Variants in ZNF479 observed in about 807,000 individuals in gnomAD.
ZNF479 encodes the protein KRAB zinc finger protein KR19.
A neutral mutation model predicts 14.7 loss-of-function variants in ZNF479; 15 were observed. That is an observed-to-expected ratio of 1.02 (90% CI 0.68 to 1.57). The LOEUF (loss-of-function observed/expected upper bound fraction) is 1.57. ZNF479 is among the 40% of genes most tolerant of loss of function. The pLI is 0.00. For missense variants in ZNF479, 506 were observed against 615.1 expected (o/e 0.82, Z 1.88); for synonymous variants, 145 against 211.5 (o/e 0.69, Z 2.73).
Position 57,120,287 on chromosome 7 carries a change from A to G in ZNF479, c.1128T>C (p.Thr376=), listed in dbSNP as rs1554399979. ...SNLMRHRRIH[T]GEKPYTCEEC... ...CTTCACATGTGTAGGGTTTCTCTCC[A>G]GTATGAATTCTCCTATGTCTCATAA... The change falls in exon 4 of 4, where the codon ACT becomes ACC. Residue 376 remains threonine (T), a synonymous_variant. Coordinates refer to ENST00000319636, the MANE Select transcript of ZNF479 (RefSeq NM_001370129.2). 1 of 1,609,386 alleles carries G rather than the reference A, an allele frequency of 6.2e-7. No homozygotes were observed. The highest frequency in any genetic ancestry group is 1.7e-5 in the Admixed American group (1 of 59,744).
intron 1 of ZNF479, among the ~76,000 whole-genome samples, chr7:57,137,568 A>G (rs756628245): frequency 6.6e-5 from 10 of 152,230 alleles, no homozygotes; most frequent in Non-Finnish European, 1.5e-4. Flanking sequence ...GTGCAACTCA[A>G]AGGAAGTATT....
In ZNF479 at chr7:57,118,394, CAG is replaced by C. The variant is rs1339828458; in HGVS notation, c.*1444_*1445del. On this transcript the variant is annotated 3_prime_UTR_variant, in exon 4 of 4. Transcript: ENST00000319636. Reference sequence around the variant, plus strand: ...CACATTTATAATTTTTTTTTTGAGACAGAGTCTTGCTCTGTCACCCAGGCTGT... The same window carrying C: ...CACATTTATAATTTTTTTTTTGAGACAGTCTTGCTCTGTCACCCAGGCTGT... Among the ~76,000 whole-genome samples, 1 of 151,970 alleles carries C rather than the reference CAG, an allele frequency of 6.6e-6. No homozygotes were observed. Among genetic ancestry groups the C allele is most frequent in the Non-Finnish European group, 1.5e-5 (1 of 67,998 alleles).
At position 57,117,735 on chromosome 7, in the gene ZNF479, A is replaced by T. The variant is rs1194169572; in HGVS notation, c.*2105T>A. On this transcript the variant is annotated 3_prime_UTR_variant, in exon 4 of 4. Coordinates refer to ENST00000319636, the MANE Select transcript of ZNF479 (RefSeq NM_001370129.2). ...CATAAACGTACAATTGATAAAAAACAATCTCTCCTATCTCTGATGAAACAA... is the reference window on the plus strand; with the variant it reads ...CATAAACGTACAATTGATAAAAAACTATCTCTCCTATCTCTGATGAAACAA... 1.3e-5 allele frequency among the ~76,000 whole-genome samples: 2 copies of T among 152,290 alleles called. No homozygotes were observed. Among genetic ancestry groups the T allele is most frequent in the African/African-American group, 4.8e-5 (2 of 41,480 alleles).
At chr7:57,134,608 C>T (rs542012792), upstream of ZNF479, among the ~76,000 whole-genome samples, 16 of 151,698 alleles carry the variant, frequency 1.1e-4, no homozygotes, top group South Asian at 2.9e-3. Context: ...CCTCTACTTT[C>T]CTAATAAATT....
intron 3 of ZNF479, among the ~76,000 whole-genome samples, chr7:57,124,589 G>T (rs1786078040): frequency 6.6e-6 from 1 of 152,212 alleles, no homozygotes; most frequent in Non-Finnish European, 1.5e-5. Context: ...GTGCAACAAA[G>T]AGGAGAACAG....
Position 57,120,986 on chromosome 7 carries a change from A to C in ZNF479, c.429T>G (p.Ser143Arg), listed in dbSNP as rs1785915895. The change falls in exon 4 of 4, where the codon AGT becomes AGG. Residue 143 changes from serine to arginine, a missense_variant. By Grantham distance (110) the Ser-to-Arg change is moderately radical. Coordinates refer to ENST00000319636, the MANE Select transcript of ZNF479 (RefSeq NM_001370129.2). ...GEYEVHKGGY[S>R]EVNQCLSTTQ... ...TAGTTGACAAACATTGGTTAACTTC[A>C]CTATAACCTCCCTTGTGCACCTCAT... The C allele has an allele frequency of 3.7e-6, 6 of 1,614,128 alleles. No individual in the cohort carries two copies. Among genetic ancestry groups the C allele is most frequent in the Non-Finnish European group, 5.1e-6 (6 of 1,180,024 alleles).
chr7:57,121,081 G>A lies in ZNF479; in HGVS notation c.334C>T (p.Pro112Ser). 4 of 1,613,660 alleles carry A rather than the reference G, an allele frequency of 2.5e-6. No individual in the cohort carries two copies. Among genetic ancestry groups the A allele is most frequent in the South Asian group, 2.2e-5 (2 of 91,066 alleles). Residue 112 changes from proline (P) to serine (S), a missense_variant, in exon 4 of 4, where the codon CCA becomes TCA. By Grantham distance (74) the Pro-to-Ser change is moderately conservative. Coordinates refer to ENST00000319636, the MANE Select transcript of ZNF479 (RefSeq NM_001370129.2). ...TGTCCACATTTTCCATATGTTCTTGGTATTACTTTTTGGAGTGAATCTTTG... is the reference window on the plus strand; with the variant it reads ...TGTCCACATTTTCCATATGTTCTTGATATTACTTTTTGGAGTGAATCTTTG... ...GIKDSLQKVI[P>S]RTYGKCGHEK...
rs544289736 is a variant in ZNF479 at position 57,121,627 on chromosome 7, A to C, written c.263-475T>G. On this transcript the variant is annotated intron_variant, in intron 3 of 3. Coordinates refer to ENST00000319636, the MANE Select transcript of ZNF479 (RefSeq NM_001370129.2). Reference sequence around the variant, plus strand: ...ATTGAAAAATAAATACAAATTGCAGACAAAACACATCCTGAGAACATGTTT... The same window carrying C: ...ATTGAAAAATAAATACAAATTGCAGCCAAAACACATCCTGAGAACATGTTT... 5.7e-3 allele frequency among the ~76,000 whole-genome samples: 872 copies of C among 152,310 alleles called. 9 individuals are homozygous for C. Among genetic ancestry groups the C allele is most frequent in the African/African-American group, 0.02 (827 of 41,576 alleles).
Position 57,120,362 on chromosome 7 carries a change from T to C in ZNF479, c.1053A>G (p.Lys351=), listed in dbSNP as rs200109876. 1.9e-5 allele frequency: 31 copies of C among 1,613,316 alleles called. No individual in the cohort carries two copies. The highest frequency in any genetic ancestry group is 1.6e-4 in the African/African-American group (12 of 74,818). Residue 351 remains lysine (K), a synonymous_variant, in exon 4 of 4, where the codon AAA becomes AAG. Coordinates refer to ENST00000319636, the MANE Select transcript of ZNF479 (RefSeq NM_001370129.2). The part of the protein sequence containing the change: ...TRHKRIHTRE[K]PYACEECGQA... ...GGCCACATTCTTCACAGGCATAGGG[T>C]TTCTCTCTAGTATGAATTCTCTTAT...
At chr7:57,123,529 G>A (rs1354322479) in intron 3 of ZNF479, among the ~76,000 whole-genome samples, 1 of 152,140 alleles carries the variant, frequency 6.6e-6, no homozygotes, top group African/African-American at 2.4e-5. Context: ...GAACACATAA[G>A]TCTTGGTAAA....
chr7:57,129,501 A>G (rs77588439), intron 1 of ZNF479, among the ~76,000 whole-genome samples: 4,207 of 151,992 alleles, frequency 0.028, 120 homozygotes, highest in East Asian at 0.17. Context: ...AAAAACAACC[A>G]ATTTCCACCC....
intron 1 of ZNF479, among the ~76,000 whole-genome samples, chr7:57,129,436 C>A (rs1786323267): frequency 6.6e-6 from 1 of 152,212 alleles, no homozygotes; most frequent in Admixed American, 6.5e-5. Flanking sequence ...GCAGGCACAG[C>A]AGAGTCCCTT....
intron 3 of ZNF479, among the ~76,000 whole-genome samples, chr7:57,125,065 T>G (rs1322423658): frequency 6.6e-6 from 1 of 151,354 alleles, no homozygotes; most frequent in Non-Finnish European, 1.5e-5. Flanking sequence ...AGAGTGAAAC[T>G]CCGTCTCAAA....
intron 1 of ZNF479, among the ~76,000 whole-genome samples, chr7:57,127,941 T>A (rs61531528): frequency 0.34 from 33,714 of 98,936 alleles, 4,086 homozygotes; most frequent in East Asian, 0.43. Flanking sequence ...ATATATATTT[T>A]TTTTTTTTTT....
chr7:57,120,560 A>C lies in ZNF479; in HGVS notation c.855T>G (p.Thr285=). ...GQAFRRSSAL[T]NHKRIHTGER... ...CTCCAGTATGAATTCTCTTGTGGTTAGTAAGTGCTGAGGAGCGCCTAAAGG... is the reference window on the plus strand; with the variant it reads ...CTCCAGTATGAATTCTCTTGTGGTTCGTAAGTGCTGAGGAGCGCCTAAAGG... The change falls in exon 4 of 4, where the codon ACT becomes ACG. Residue 285 remains threonine, a synonymous_variant. Transcript: ENST00000319636. 6.2e-7 allele frequency: 1 copy of C among 1,613,560 alleles called. No homozygotes were observed. Among genetic ancestry groups the C allele is most frequent in the South Asian group, 1.1e-5 (1 of 91,058 alleles).
chr7:57,130,544 C>T (rs1786370169), intron 1 of ZNF479, among the ~76,000 whole-genome samples: 1 of 150,684 alleles, frequency 6.6e-6, no homozygotes, highest in Non-Finnish European at 1.5e-5. Flanking sequence ...AAACACTAGA[C>T]TAATGGGAAA....
upstream of ZNF479, among the ~76,000 whole-genome samples, chr7:57,135,120 C>T (rs185152030): frequency 2.0e-4 from 31 of 152,238 alleles, no homozygotes; most frequent in East Asian, 5.8e-3. Context: ...GACTGAATTA[C>T]CAATTGGCTA....
Position 57,121,570 on chromosome 7 carries a change from AC to A in ZNF479, c.263-419del, listed in dbSNP as rs543600063. Among the ~76,000 whole-genome samples the A allele has an allele frequency of 1.4e-4, 21 of 152,306 alleles. No homozygotes were observed. The East Asian group carries it at 4.1e-3, about 29-fold the overall frequency. On this transcript the variant is annotated intron_variant, in intron 3 of 3. Coordinates refer to ENST00000319636, the MANE Select transcript of ZNF479 (RefSeq NM_001370129.2). Reference sequence around the variant, plus strand: ...AGATAGGTGTAGAACGTAGTTACTGACCACTAAGAAGAAATATGAAGAAGTC... The same window carrying A: ...AGATAGGTGTAGAACGTAGTTACTGACACTAAGAAGAAATATGAAGAAGTC...
chr7:57,126,706 A>T lies in ZNF479; in HGVS notation c.52T>A (p.Phe18Ile). The change falls in exon 2 of 4, where the codon TTC becomes ATC. Residue 18 changes from phenylalanine to isoleucine, a missense_variant. Phe to Ile is a conservative substitution (Grantham distance 21, BLOSUM62 0). This residue lies in a region of ZNF479 where 420 missense variants were observed against 474.2 expected (regional missense o/e 0.89). Coordinates refer to ENST00000319636, the MANE Select transcript of ZNF479 (RefSeq NM_001370129.2). ...PGSREMGLLTFRDIAIEFSLE... is the reference protein window; with the variant it reads ...PGSREMGLLTIRDIAIEFSLE... Reference sequence around the variant, plus strand: ...GAGAATTCTATAGCTATGTCTCTGAATGTCAACAGTCCCTGGAAAACAAAC... The same window carrying T: ...GAGAATTCTATAGCTATGTCTCTGATTGTCAACAGTCCCTGGAAAACAAAC... 3 of 1,614,080 alleles carry T rather than the reference A, an allele frequency of 1.9e-6. No individual in the cohort carries two copies. Among genetic ancestry groups the T allele is most frequent in the Non-Finnish European group, 1.7e-6 (2 of 1,179,984 alleles).
Sources: gnomAD v4.1 joint callset for allele counts (sites outside exome capture counted in the v4.1 genomes callset) on GRCh38, gnomAD v4.1.1 for gene constraint, gnomAD v4.1.1 regional missense constraint, MANE v1.5 for transcripts, NCBI Gene and HGNC (gene_info 2026-07-23, HGNC 2026-07-21) for gene names.